The following PALM2AKAP2 variants were observed in gnomAD, a reference collection of about 807,000 sequenced individuals.
PALM2AKAP2 encodes the protein PALM2-AKAP2 fusion protein.
PALM2AKAP2 carries 37 observed loss-of-function variants against 71.5 expected under a neutral mutation model. The ratio of observed to expected loss-of-function variants is 0.52; its 90% CI spans 0.40 to 0.68. The LOEUF is 0.68. Among genes scored for constraint, PALM2AKAP2 ranks in the 30% least tolerant of loss-of-function variants. The pLI is 0.00. For synonymous variants in PALM2AKAP2, 468 were observed against 478.8 expected, an observed-to-expected ratio of 0.98 and a Z score of 0.29; for missense variants, 1,224 against 1,191.8, an observed-to-expected ratio of 1.03 and a Z score of -0.40.
chr9:109,781,561 G>GT (rs201123901), intron 1 of PALM2AKAP2, among the ~76,000 whole-genome samples: 1,570 of 152,260 alleles, frequency 0.01, 14 homozygotes, highest in African/African-American at 0.022. Flanking sequence ...ATATTAAAGC[G>GT]TTTTCCAAAA....
Position 109,768,016 on chromosome 9 carries a change from G to GGAAAAGAGGGAGAGAGGGAGA in PALM2AKAP2, c.6-12472_6-12471insGAAAAGAGGGAGAGAGGGAGA, listed in dbSNP as rs1829187757. On this transcript the variant is annotated intron_variant, in intron 1 of 6. Transcript: ENST00000374531. The stretch of plus-strand genomic sequence containing the variant: ...GGGAGCAAAGGCAGGTAGGTAGGAA[G>GGAAAAGAGGGAGAGAGGGAGA]AAAGGAAGGAAGGAAAGAAAAAGAG... Among the ~76,000 whole-genome samples the GGAAAAGAGGGAGAGAGGGAGA allele has an allele frequency of 9.6e-5, 11 of 114,994 alleles. No homozygotes were observed. The South Asian group carries it at 1.2e-3, about 12-fold the overall frequency. The allele number at this position is 114,994 out of a possible 152,430, so 75.4% of individuals were successfully genotyped here. A position where few individuals can be genotyped will look rare whatever the true frequency, so the allele number is the denominator to read the frequency against.
At chr9:109,873,189 G>A (rs144991957) in intron 2 of PALM2AKAP2, among the ~76,000 whole-genome samples, 1 of 152,178 alleles carries the variant, frequency 6.6e-6, no homozygotes, top group African/African-American at 2.4e-5. Context: ...TAGGCCAGGC[G>A]CAGTGGCTCA....
intron 3 of PALM2AKAP2, among the ~76,000 whole-genome samples, chr9:109,891,355 C>A (rs1458465372): frequency 6.6e-6 from 1 of 152,186 alleles, no homozygotes; most frequent in Non-Finnish European, 1.5e-5. Context: ...TCTCCACGTG[C>A]CTCCTTCTTG....
intron 7 of PALM2AKAP2, among the ~76,000 whole-genome samples, chr9:110,039,885 G>A (rs1208330479): frequency 6.6e-6 from 1 of 152,066 alleles, no homozygotes; most frequent in Non-Finnish European, 1.5e-5. Flanking sequence ...TATCTGTCTG[G>A]CTTCCTAAGG....
At chr9:109,809,883 C>T (rs1827682072) in intron 1 of PALM2AKAP2, among the ~76,000 whole-genome samples, 2 of 152,178 alleles carry the variant, frequency 1.3e-5, no homozygotes, top group Admixed American at 1.3e-4. Context: ...TTGCTGGGCA[C>T]TTCTTCCTGC....
At chr9:110,136,863 T>G in exon 2 of PALM2AKAP2, 1 of 1,614,058 alleles carries the variant, frequency 6.2e-7, no homozygotes, top group Non-Finnish European at 8.5e-7. Flanking sequence ...ATTAGAAAAG[T>G]GAGGCCTTCA....
At chr9:109,965,790 CAG>C (rs981829186) in intron 6 of PALM2AKAP2, among the ~76,000 whole-genome samples, 8 of 152,036 alleles carry the variant, frequency 5.3e-5, no homozygotes, top group African/African-American at 1.9e-4. Context: ...TGAAGATACT[CAG>C]GGGGAAAAAA....
chr9:110,142,992 T>C (rs1055367746), intron 2 of PALM2AKAP2, among the ~76,000 whole-genome samples: 5 of 152,200 alleles, frequency 3.3e-5, no homozygotes, highest in African/African-American at 1.2e-4. Context: ...TAGGCTTGGA[T>C]TGAGCTCTTC....
intron 1 of PALM2AKAP2, among the ~76,000 whole-genome samples, chr9:109,804,887 A>T (rs2131413624): frequency 6.6e-6 from 1 of 152,356 alleles, no homozygotes; most frequent in South Asian, 2.1e-4. Context: ...AGAAAAATAA[A>T]TGCCCATAAT....
chr9:110,103,150 C>G (rs946041522), intron 1 of PALM2AKAP2, among the ~76,000 whole-genome samples: 1 of 152,210 alleles, frequency 6.6e-6, no homozygotes, highest in Non-Finnish European at 1.5e-5. Context: ...ATTGTAGGCA[C>G]TCTCAGAGCG....
chr9:109,856,509 G>A lies in PALM2AKAP2; in HGVS notation c.46-10982G>A, dbSNP rs1447617012. On this transcript the variant is annotated intron_variant, in intron 1 of 9. Transcript: ENST00000302798. ...TATGTTGGTGTATCCATTTTTTCCT[G>A]TAGGATGCATAAAGGACTAATAGGA... 2.6e-5 allele frequency among the ~76,000 whole-genome samples: 4 copies of A among 152,224 alleles called. No homozygotes were observed. The South Asian group carries it at 8.3e-4, about 31-fold the overall frequency.
chr9:110,011,988 T>C (rs773802774), intron 6 of PALM2AKAP2, among the ~76,000 whole-genome samples: 1 of 152,208 alleles, frequency 6.6e-6, no homozygotes, highest in Non-Finnish European at 1.5e-5. Flanking sequence ...TTTGTAAACA[T>C]TGCTGTTCTG....
At chr9:109,960,508 G>T (rs1831834362) in intron 6 of PALM2AKAP2, among the ~76,000 whole-genome samples, 1 of 152,190 alleles carries the variant, frequency 6.6e-6, no homozygotes, top group Non-Finnish European at 1.5e-5. Context: ...TGAGCACGGT[G>T]GTATGTGCCT....
chr9:109,702,688 A>G (rs1368966163), intron 1 of PALM2AKAP2, among the ~76,000 whole-genome samples: 1 of 151,990 alleles, frequency 6.6e-6, no homozygotes, highest in African/African-American at 2.4e-5. Flanking sequence ...GCACATGTAT[A>G]CATATGTAAC....
upstream of PALM2AKAP2, among the ~76,000 whole-genome samples, chr9:109,777,153 T>C (rs539377412): frequency 1.6e-4 from 25 of 152,354 alleles, no homozygotes; most frequent in African/African-American, 4.8e-4. Flanking sequence ...AATGACTCTT[T>C]GTTCAATTGG....
upstream of PALM2AKAP2, chr9:110,048,555 T>C: frequency 4.5e-6 from 3 of 659,518 alleles, no homozygotes; most frequent in Non-Finnish European, 6.6e-6. Context: ...TGTGGGTAGA[T>C]GGGGAGGGGA....
At chr9:109,970,283 T>C (rs1304864180) in intron 6 of PALM2AKAP2, among the ~76,000 whole-genome samples, 1 of 152,212 alleles carries the variant, frequency 6.6e-6, no homozygotes, top group Non-Finnish European at 1.5e-5. Flanking sequence ...TTAGATTCAA[T>C]AAATTGTTAT....
chr9:110,068,894 C>G (rs1332610269), intron 1 of PALM2AKAP2, among the ~76,000 whole-genome samples: 3 of 152,122 alleles, frequency 2.0e-5, no homozygotes, highest in Admixed American at 6.5e-5. Flanking sequence ...TAACAAGGTG[C>G]CAGAGATAAT....
At chr9:109,857,530 C>G (rs931634961) in intron 1 of PALM2AKAP2, among the ~76,000 whole-genome samples, 2 of 152,190 alleles carry the variant, frequency 1.3e-5, no homozygotes, top group African/African-American at 4.8e-5. Context: ...TTTTCAACAG[C>G]TCATTTGCCC....
Sources: allele counts gnomAD v4.1 joint callset (sites outside exome capture counted in the v4.1 genomes callset), GRCh38; gene constraint gnomAD v4.1.1; transcripts MANE v1.5; gene names NCBI Gene and HGNC (gene_info 2026-07-23, HGNC 2026-07-21).